FOXP1: variants seen among roughly 807,000 people sequenced by gnomAD.
FOXP1 encodes forkhead box P1, also known as forkhead box protein P1.
FOXP1 carries 15 observed loss-of-function variants against 98.2 expected under a neutral mutation model. That is an observed-to-expected ratio of 0.15 (90% CI 0.10 to 0.24). The LOEUF is 0.24. Among genes scored for constraint, FOXP1 ranks in the 10% least tolerant of loss-of-function variants. The pLI, the probability that FOXP1 is intolerant of heterozygous loss-of-function variation, is 1.00. For missense variants in FOXP1, 633 were observed against 848.5 expected, an observed-to-expected ratio of 0.75 and a Z score of 3.15; for synonymous variants, 371 against 314.5, an observed-to-expected ratio of 1.18 and a Z score of -1.90.
intron 6 of FOXP1, among the ~76,000 whole-genome samples, chr3:71,113,150 T>C (rs1231692778): frequency 6.6e-6 from 1 of 152,180 alleles, no homozygotes; most frequent in African/African-American, 2.4e-5. Context: ...TGGATTAGGC[T>C]ACGTAGAAAG....
intron 4 of FOXP1, among the ~76,000 whole-genome samples, chr3:71,325,487 G>GA (rs11462883): frequency 0.79 from 120,207 of 151,988 alleles, 49,607 homozygotes; most frequent in Non-Finnish European, 0.91. Context: ...TTATGAACCT[G>GA]AAAACCATAA....
intron 2 of FOXP1, among the ~76,000 whole-genome samples, chr3:71,514,197 T>A (rs2042398512): frequency 6.6e-6 from 1 of 152,204 alleles, no homozygotes; most frequent in Non-Finnish European, 1.5e-5. Context: ...CCTTTGATTA[T>A]GCATGACTTG....
At position 71,039,228 on chromosome 3, in the gene FOXP1, T is replaced by C. The variant is rs1018475064; in HGVS notation, c.869+2100A>G. Among the ~76,000 whole-genome samples, 10 of 152,272 alleles carry C rather than the reference T, an allele frequency of 6.6e-5. No homozygotes were observed. In the South Asian group the frequency reaches 8.3e-4, roughly 13 times the overall value. ...GCTTTTACATCCAGATTAAGGCTCATTGGAATCTGAATTCTTTTCTGATCC... is the reference window on the plus strand; with the variant it reads ...GCTTTTACATCCAGATTAAGGCTCACTGGAATCTGAATTCTTTTCTGATCC... On this transcript the variant is annotated intron_variant, in intron 11 of 20. Coordinates refer to ENST00000649528, the MANE Select transcript of FOXP1 (RefSeq NM_001349338.3).
At chr3:71,480,894 A>G (rs1022927751) in intron 3 of FOXP1, among the ~76,000 whole-genome samples, 5 of 152,196 alleles carry the variant, frequency 3.3e-5, no homozygotes, top group African/African-American at 1.2e-4. Context: ...ACCATCTCTC[A>G]GGTTGTTCAA....
At chr3:71,049,035 C>T (rs2049447008) in intron 9 of FOXP1, among the ~76,000 whole-genome samples, 1 of 152,116 alleles carries the variant, frequency 6.6e-6, no homozygotes, top group Non-Finnish European at 1.5e-5. Context: ...TGCCAAACTG[C>T]GCTCCCCACC....
chr3:71,295,162 C>G (rs1018624122), intron 5 of FOXP1, among the ~76,000 whole-genome samples: 1 of 152,120 alleles, frequency 6.6e-6, no homozygotes, highest in Non-Finnish European at 1.5e-5. Flanking sequence ...ACATTCCAGC[C>G]AATGCGGTCA....
At chr3:71,276,588 C>G (rs554367614) in intron 5 of FOXP1, among the ~76,000 whole-genome samples, 1 of 152,196 alleles carries the variant, frequency 6.6e-6, no homozygotes, top group East Asian at 1.9e-4. Context: ...TAATTTTAAC[C>G]CCTAAGTATA....
intron 2 of FOXP1, among the ~76,000 whole-genome samples, chr3:71,498,593 AAG>A (rs2041085334): frequency 6.6e-6 from 1 of 152,222 alleles, no homozygotes. Flanking sequence ...ATCCTAAAAA[AAG>A]AGGATTGAGG....
chr3:71,111,512 C>T (rs2057921439), intron 7 of FOXP1, among the ~76,000 whole-genome samples: 1 of 152,202 alleles, frequency 6.6e-6, no homozygotes, highest in African/African-American at 2.4e-5. Context: ...ATTCTCCTGC[C>T]TCAGCCTCCC....
chr3:70,964,904 T>A (rs2034408781), intron 20 of FOXP1, among the ~76,000 whole-genome samples: 1 of 152,222 alleles, frequency 6.6e-6, no homozygotes, highest in Non-Finnish European at 1.5e-5. Context: ...CAATTCCATA[T>A]GCTCCTAATT....
intron 7 of FOXP1, among the ~76,000 whole-genome samples, chr3:71,085,330 T>G (rs1486132234): frequency 6.6e-6 from 1 of 152,048 alleles, no homozygotes; most frequent in African/African-American, 2.4e-5. Flanking sequence ...AATTTTTTTT[T>G]GTAGAGATAG....
intron 4 of FOXP1, among the ~76,000 whole-genome samples, chr3:71,328,463 G>A (rs904664994): frequency 1.1e-4 from 17 of 152,134 alleles, no homozygotes; most frequent in African/African-American, 3.6e-4. Flanking sequence ...CCTTTCATAT[G>A]AGATGCCTGC....
At chr3:71,047,796 T>C (rs2049233553) in intron 9 of FOXP1, among the ~76,000 whole-genome samples, 1 of 152,220 alleles carries the variant, frequency 6.6e-6, no homozygotes, top group African/African-American at 2.4e-5. Flanking sequence ...TCTGGTGGCT[T>C]GTCCTGCTTC....
chr3:71,173,261 T>C (rs1394062679), intron 6 of FOXP1, among the ~76,000 whole-genome samples: 1 of 152,108 alleles, frequency 6.6e-6, no homozygotes, highest in Non-Finnish European at 1.5e-5. Flanking sequence ...AGATATTTCA[T>C]GAGACTGTCT....
intron 7 of FOXP1, among the ~76,000 whole-genome samples, chr3:71,099,388 T>C (rs2107654999): frequency 6.6e-6 from 1 of 152,236 alleles, no homozygotes; most frequent in South Asian, 2.1e-4. Context: ...GGTGCGCCCC[T>C]GTAATCCCAG....
At chr3:71,495,496 G>A (rs1004071181) in intron 2 of FOXP1, among the ~76,000 whole-genome samples, 1 of 152,154 alleles carries the variant, frequency 6.6e-6, no homozygotes, top group Admixed American at 6.5e-5. Flanking sequence ...GTGAATAAAT[G>A]AATCAACAAC....
At chr3:71,578,454 G>GA (rs1489341289) in intron 2 of FOXP1, among the ~76,000 whole-genome samples, 1 of 152,158 alleles carries the variant, frequency 6.6e-6, no homozygotes, top group Non-Finnish European at 1.5e-5. Context: ...CATTCCCACT[G>GA]AAATGTGATA....
intron 2 of FOXP1, among the ~76,000 whole-genome samples, chr3:71,511,287 G>T (rs1172585919): frequency 1.3e-5 from 2 of 152,118 alleles, no homozygotes; most frequent in African/African-American, 4.8e-5. Context: ...AAACGCAACT[G>T]CAACTTTAAA....
chr3:71,274,911 T>C lies in FOXP1; in HGVS notation c.-12+24909A>G, dbSNP rs146535314. The stretch of plus-strand genomic sequence containing the variant: ...GTTGCCCCTTTAGGTAGTAACACTT[T>C]GCTCTTTGCCATTCTAGAGCTACGT... On this transcript the variant is annotated intron_variant, in intron 5 of 20. Transcript: ENST00000649528. Among the ~76,000 whole-genome samples the C allele has an allele frequency of 4.2e-3, 644 of 152,350 alleles. 18 individuals are homozygous for C. The highest frequency in any genetic ancestry group is 0.04 in the Admixed American group (613 of 15,298).
Sources: gnomAD v4.1 joint callset for allele counts (sites outside exome capture counted in the v4.1 genomes callset) on GRCh38, gnomAD v4.1.1 for gene constraint, MANE v1.5 for transcripts, NCBI Gene and HGNC (gene_info 2026-07-23, HGNC 2026-07-21) for gene names.